The following RIT2 variants were observed in gnomAD, a reference collection of about 807,000 sequenced individuals.
The protein encoded by RIT2 is Ras like without CAAX 2, also known as GTP-binding protein Rit2.
A neutral mutation model predicts 23.7 loss-of-function variants in RIT2; 24 were observed. The ratio of observed to expected loss-of-function variants is 1.01; its 90% confidence interval spans 0.73 to 1.43. RIT2 has a LOEUF of 1.43. Among genes scored for constraint, RIT2 ranks in the 40% most tolerant of loss-of-function variants. RIT2 has a pLI of 0.00. For missense variants in RIT2, 236 were observed against 266.9 expected (o/e 0.88, Z 0.81); for synonymous variants, 107 against 91.1 (o/e 1.17, Z -0.99).
intron 2 of RIT2, among the ~76,000 whole-genome samples, chr18:43,010,561 C>A (rs1288157622): frequency 6.6e-6 from 1 of 151,734 alleles, no homozygotes; most frequent in Non-Finnish European, 1.5e-5. Context: ...ATAATAATTA[C>A]AAATTCTTGA....
intron 4 of RIT2, among the ~76,000 whole-genome samples, chr18:42,851,831 T>A (rs1440050608): frequency 6.6e-6 from 1 of 151,992 alleles, no homozygotes; most frequent in Admixed American, 6.6e-5. Flanking sequence ...AGACCAAGAC[T>A]CTGTCTCATA....
intron 3 of RIT2, among the ~76,000 whole-genome samples, chr18:42,958,899 C>G (rs1165082487): frequency 1.3e-5 from 2 of 152,146 alleles, no homozygotes; most frequent in Admixed American, 1.3e-4. Flanking sequence ...TTTTATTACT[C>G]TCCATCAATG....
intron 3 of RIT2, among the ~76,000 whole-genome samples, chr18:42,973,219 T>C (rs1351469793): frequency 6.6e-6 from 1 of 151,800 alleles, no homozygotes. Context: ...AATATTTGCC[T>C]ATTTTAGGAC....
At chr18:42,842,870 A>G (rs1182418909) in intron 4 of RIT2, among the ~76,000 whole-genome samples, 2 of 152,136 alleles carry the variant, frequency 1.3e-5, no homozygotes, top group African/African-American at 2.4e-5. Context: ...AATTTGTCAA[A>G]CCTGAAATAA....
chr18:42,782,264 G>C lies in RIT2; in HGVS notation c.427-38544C>G, dbSNP rs145504925. Among the ~76,000 whole-genome samples, 172 of 152,210 alleles carry C rather than the reference G, an allele frequency of 1.1e-3. 2 individuals carry two copies. The highest frequency in any genetic ancestry group is 2.5e-3 in the South Asian group (12 of 4,828). The stretch of plus-strand genomic sequence containing the variant: ...TTAATAGTTAGAGATTAGTGCTCAT[G>C]TATTTTTGAGTAAAGTATTTATTGA... On this transcript the variant is annotated intron_variant, in intron 4 of 4. Coordinates refer to ENST00000326695, the MANE Select transcript of RIT2 (RefSeq NM_002930.4).
intron 4 of RIT2, among the ~76,000 whole-genome samples, chr18:42,838,738 C>T (rs1218136738): frequency 1.3e-5 from 2 of 152,142 alleles, no homozygotes; most frequent in East Asian, 3.9e-4. Context: ...TGATTACACG[C>T]CTCAGAATTT....
At chr18:42,845,786 T>C (rs971123867) in intron 4 of RIT2, among the ~76,000 whole-genome samples, 24 of 151,702 alleles carry the variant, frequency 1.6e-4, no homozygotes, top group African/African-American at 5.3e-4. Flanking sequence ...CAGAGACTAA[T>C]AAACACTTCT....
At chr18:42,829,007 T>TG (rs1906382927) in intron 4 of RIT2, among the ~76,000 whole-genome samples, 1 of 152,130 alleles carries the variant, frequency 6.6e-6, no homozygotes, top group African/African-American at 2.4e-5. Context: ...GCACAGGTGT[T>TG]GCCTCGGTGA....
intron 4 of RIT2, among the ~76,000 whole-genome samples, chr18:42,860,790 A>T (rs528638512): frequency 3.9e-5 from 6 of 152,318 alleles, no homozygotes; most frequent in South Asian, 4.1e-4. Flanking sequence ...AAAGCAGATG[A>T]TCCAAAGAGA....
chr18:42,984,427 A>C (rs935438072), intron 2 of RIT2, among the ~76,000 whole-genome samples: 1 of 152,066 alleles, frequency 6.6e-6, no homozygotes, highest in Non-Finnish European at 1.5e-5. Context: ...ATATGGCTTC[A>C]TAAGGCAACA....
chr18:43,084,563 T>G (rs1598776716), intron 1 of RIT2, among the ~76,000 whole-genome samples: 1 of 152,106 alleles, frequency 6.6e-6, no homozygotes, highest in African/African-American at 2.4e-5. Context: ...CCATAAAAAA[T>G]GAGTTCATGT....
chr18:42,814,691 A>G (rs1478986219), intron 4 of RIT2, among the ~76,000 whole-genome samples: 1 of 152,070 alleles, frequency 6.6e-6, no homozygotes, highest in Non-Finnish European at 1.5e-5. Flanking sequence ...ACTGCCCACC[A>G]CCTGTTCCTC....
intron 4 of RIT2, among the ~76,000 whole-genome samples, chr18:42,815,120 A>T (rs1006011998): frequency 1.3e-5 from 2 of 152,216 alleles, no homozygotes; most frequent in African/African-American, 4.8e-5. Context: ...GGTATTTTGC[A>T]TCCCCCCAAA....
At chr18:42,934,907 A>G (rs1432464847) in intron 3 of RIT2, among the ~76,000 whole-genome samples, 1 of 152,206 alleles carries the variant, frequency 6.6e-6, no homozygotes, top group Non-Finnish European at 1.5e-5. Context: ...TTTGATATCT[A>G]TACTACCATT....
intron 1 of RIT2, among the ~76,000 whole-genome samples, chr18:43,038,899 A>AT (rs1049938995): frequency 0.011 from 1,678 of 147,634 alleles, 23 homozygotes; most frequent in African/African-American, 0.036. Context: ...AAACTGCAGG[A>AT]TTTTTTTTTT....
chr18:42,816,276 C>T (rs990669923), intron 4 of RIT2, among the ~76,000 whole-genome samples: 39 of 152,096 alleles, frequency 2.6e-4, no homozygotes, highest in African/African-American at 9.4e-4. Context: ...ACAATTGGCT[C>T]TTGAGAGTTA....
chr18:43,003,618 A>C (rs576419543), intron 2 of RIT2, among the ~76,000 whole-genome samples: 9 of 152,000 alleles, frequency 5.9e-5, no homozygotes, highest in Admixed American at 5.2e-4. Context: ...AATAATTAGC[A>C]AGGAAAGAAG....
At chr18:43,079,299 T>C (rs1245172527) in intron 1 of RIT2, among the ~76,000 whole-genome samples, 2 of 152,202 alleles carry the variant, frequency 1.3e-5, no homozygotes, top group East Asian at 1.9e-4. Context: ...TCTTTTGTTT[T>C]GGTTTTGTAC....
chr18:42,764,968 G>T (rs1913386939), intron 4 of RIT2, among the ~76,000 whole-genome samples: 1 of 152,156 alleles, frequency 6.6e-6, no homozygotes, highest in Non-Finnish European at 1.5e-5. Flanking sequence ...AGTCACTGTG[G>T]CTTATTGAAG....
Sources: gnomAD v4.1 joint callset for allele counts (sites outside exome capture counted in the v4.1 genomes callset) on GRCh38, gnomAD v4.1.1 for gene constraint, MANE v1.5 for transcripts, NCBI Gene and HGNC (gene_info 2026-07-23, HGNC 2026-07-21) for gene names.